LUZP2: variants seen among roughly 807,000 people sequenced by gnomAD.
LUZP2 encodes the protein leucine zipper protein 2.
LUZP2 carries 52 observed loss-of-function variants against 51.6 expected under a neutral mutation model. That is an observed-to-expected ratio of 1.01 (90% CI 0.81 to 1.27). The LOEUF (loss-of-function observed/expected upper bound fraction) is 1.27, where lower values mean the gene tolerates loss of function less well. LUZP2 is among the 50% of genes most tolerant of loss of function. The pLI is 0.00. For missense variants in LUZP2, 436 were observed against 395.4 expected (o/e 1.10, Z -0.87); for synonymous variants, 154 against 137.3 (o/e 1.12, Z -0.85).
chr11:24,771,725 G>A (rs937750746), intron 5 of LUZP2, among the ~76,000 whole-genome samples: 1 of 151,966 alleles, frequency 6.6e-6, no homozygotes, highest in African/African-American at 2.4e-5. Flanking sequence ...AAAGGGTGGG[G>A]GCCAGGTGGA....
intron 10 of LUZP2, among the ~76,000 whole-genome samples, chr11:25,063,249 G>C (rs990187144): frequency 6.6e-6 from 1 of 151,686 alleles, no homozygotes; most frequent in African/African-American, 2.4e-5. Context: ...AGCATGTGTA[G>C]ATTATATATA....
rs116582284 is a variant in LUZP2, at chr11:24,649,036, T to C, written c.63-80133T>C. 6.2e-3 allele frequency among the ~76,000 whole-genome samples: 945 copies of C among 152,116 alleles called. 12 individuals are homozygous for C. The highest frequency in any genetic ancestry group is 0.022 in the African/African-American group (907 of 41,554). ...CCTGTCCTGTAACTAATCTTCCCTA[T>C]GAAAAACAAACATAAAGCCTAAACT... On this transcript the variant is annotated intron_variant, in intron 1 of 11. Transcript: ENST00000336930.
intron 1 of LUZP2, among the ~76,000 whole-genome samples, chr11:24,557,934 A>G (rs1219266436): frequency 1.3e-5 from 2 of 152,146 alleles, no homozygotes; most frequent in Non-Finnish European, 2.9e-5. Context: ...CATTCAAATA[A>G]TAAAGCTGCC....
intron 4 of LUZP2, among the ~76,000 whole-genome samples, chr11:24,757,296 T>C (rs1231342760): frequency 1.3e-5 from 2 of 152,198 alleles, no homozygotes; most frequent in Non-Finnish European, 2.9e-5. Flanking sequence ...AATTCAAAAA[T>C]ATTAGTAGCA....
chr11:24,748,285 T>C (rs1197115648), intron 4 of LUZP2, among the ~76,000 whole-genome samples: 2 of 152,020 alleles, frequency 1.3e-5, no homozygotes, highest in African/African-American at 4.8e-5. Flanking sequence ...CCAGGTAAGG[T>C]TGGAAACCTT....
chr11:24,585,933 A>G (rs1410901621), intron 1 of LUZP2, among the ~76,000 whole-genome samples: 2 of 152,220 alleles, frequency 1.3e-5, no homozygotes, highest in Non-Finnish European at 2.9e-5. Flanking sequence ...TCAGGGGCAG[A>G]GAAATGAACC....
intron 5 of LUZP2, chr11:24,786,440 A>C: frequency 1.0e-6 from 1 of 982,690 alleles, no homozygotes; most frequent in Non-Finnish European, 1.2e-6. Flanking sequence ...CATGGTACCA[A>C]AAATTCTGCG....
chr11:25,045,226 A>T (rs112920923), intron 9 of LUZP2, among the ~76,000 whole-genome samples: 14 of 152,238 alleles, frequency 9.2e-5, no homozygotes, highest in African/African-American at 3.1e-4. Flanking sequence ...AAGAAAAAAA[A>T]TGAAAGTAAT....
intron 9 of LUZP2, among the ~76,000 whole-genome samples, chr11:25,000,368 G>A (rs576709721): frequency 1.3e-5 from 2 of 152,094 alleles, no homozygotes; most frequent in African/African-American, 4.8e-5. Flanking sequence ...CTGGATAGGG[G>A]CAAAGAAGGG....
At chr11:24,782,415 A>C (rs1468107499) in intron 5 of LUZP2, among the ~76,000 whole-genome samples, 1 of 151,990 alleles carries the variant, frequency 6.6e-6, no homozygotes, top group Non-Finnish European at 1.5e-5. Context: ...TCAAGTACTA[A>C]ATTTGGAGGT....
intron 5 of LUZP2, among the ~76,000 whole-genome samples, chr11:24,893,585 C>T (rs1475620436): frequency 6.6e-6 from 1 of 152,084 alleles, no homozygotes; most frequent in African/African-American, 2.4e-5. Flanking sequence ...TTTTTATCTG[C>T]TTATCTTGTC....
chr11:25,067,386 A>T (rs1195322610), intron 10 of LUZP2, among the ~76,000 whole-genome samples: 5 of 152,074 alleles, frequency 3.3e-5, no homozygotes, highest in Non-Finnish European at 5.9e-5. Flanking sequence ...TATTTTAATT[A>T]GGTCCCATTT....
At chr11:24,818,754 G>A (rs1850265583) in intron 5 of LUZP2, among the ~76,000 whole-genome samples, 1 of 151,892 alleles carries the variant, frequency 6.6e-6, no homozygotes, top group Non-Finnish European at 1.5e-5. Flanking sequence ...CACTTTCACA[G>A]AGACGCTTTC....
chr11:24,682,098 C>G lies in LUZP2; in HGVS notation c.63-47071C>G, dbSNP rs116032271. Among the ~76,000 whole-genome samples the G allele has an allele frequency of 6.9e-3, 1,047 of 152,256 alleles. 11 individuals carry two copies. Among genetic ancestry groups the G allele is most frequent in the African/African-American group, 0.024 (980 of 41,538 alleles). On this transcript the variant is annotated intron_variant, in intron 1 of 11. Transcript: ENST00000336930. ...TATCTCAGCACATCTGAAAAACAGT[C>G]TTGAGTTAATGACGATTGAAAATAG... is the stretch of plus-strand genomic sequence containing the variant.
intron 4 of LUZP2, among the ~76,000 whole-genome samples, chr11:24,756,609 C>A (rs1192315956): frequency 6.6e-6 from 1 of 152,274 alleles, no homozygotes; most frequent in African/African-American, 2.4e-5. Context: ...ATCTCATTCC[C>A]TTGACACAAA....
intron 9 of LUZP2, among the ~76,000 whole-genome samples, chr11:25,023,166 A>T (rs1857389031): frequency 6.6e-6 from 1 of 152,122 alleles, no homozygotes; most frequent in South Asian, 2.1e-4. Flanking sequence ...GGCCTCATAA[A>T]ATGAGTTAAG....
At chr11:25,020,843 A>G (rs1191030616) in intron 9 of LUZP2, among the ~76,000 whole-genome samples, 1 of 152,068 alleles carries the variant, frequency 6.6e-6, no homozygotes, top group Non-Finnish European at 1.5e-5. Flanking sequence ...TAAACGTTGT[A>G]ATAGGCACAT....
intron 1 of LUZP2, among the ~76,000 whole-genome samples, chr11:24,666,654 C>G (rs964455429): frequency 6.6e-6 from 1 of 152,040 alleles, no homozygotes; most frequent in Non-Finnish European, 1.5e-5. Flanking sequence ...GATCTTTTTT[C>G]TCACCTGGAA....
intron 4 of LUZP2, among the ~76,000 whole-genome samples, chr11:24,754,780 T>G (rs1859711054): frequency 6.6e-6 from 1 of 152,190 alleles, no homozygotes; most frequent in South Asian, 2.1e-4. Context: ...TATACACATC[T>G]GCAATTACTC....
Sources: gnomAD v4.1 joint callset for allele counts (sites outside exome capture counted in the v4.1 genomes callset) on GRCh38, gnomAD v4.1.1 for gene constraint, MANE v1.5 for transcripts, NCBI Gene and HGNC (gene_info 2026-07-23, HGNC 2026-07-21) for gene names.